Variants in PARD3 observed in about 807,000 individuals in gnomAD.
PARD3 encodes the protein par-3 family cell polarity regulator, also known as partitioning defective 3 homolog.
PARD3 carries 75 observed loss-of-function variants against 155.4 expected under a neutral mutation model. The ratio of observed to expected loss-of-function variants is 0.48; its 90% CI spans 0.40 to 0.58. The LOEUF is 0.58. Among genes scored for constraint, PARD3 ranks in the 20% least tolerant of loss-of-function variants. The pLI is 0.00. For synonymous variants in PARD3, 576 were observed against 610.5 expected (o/e 0.94, Z 0.83); for missense variants, 1,642 against 1,721.7 (o/e 0.95, Z 0.82).
chr10:34,237,768 T>G (rs112134781), intron 22 of PARD3, among the ~76,000 whole-genome samples: 1 of 152,208 alleles, frequency 6.6e-6, no homozygotes, highest in Non-Finnish European at 1.5e-5. Flanking sequence ...TACTTCTCCA[T>G]GTACGTAGGA....
At chr10:34,723,475 G>A (rs1346611125) in intron 1 of PARD3, among the ~76,000 whole-genome samples, 1 of 152,246 alleles carries the variant, frequency 6.6e-6, no homozygotes, top group South Asian at 2.1e-4. Context: ...CCTTAAAGAA[G>A]CATAGTGCCT....
chr10:34,772,076 G>C (rs1335309433), intron 1 of PARD3, among the ~76,000 whole-genome samples: 1 of 152,130 alleles, frequency 6.6e-6, no homozygotes, highest in Non-Finnish European at 1.5e-5. Context: ...ACCCCTCCAG[G>C]GGTTCCTGCT....
chr10:34,794,109 G>A (rs371126269), intron 1 of PARD3, among the ~76,000 whole-genome samples: 3 of 152,058 alleles, frequency 2.0e-5, no homozygotes, highest in South Asian at 2.1e-4. Flanking sequence ...CAGTCAGCGG[G>A]GGGTGGGGGT....
intron 2 of PARD3, among the ~76,000 whole-genome samples, chr10:34,547,919 T>C (rs754500476): frequency 6.6e-6 from 1 of 152,196 alleles, no homozygotes; most frequent in Non-Finnish European, 1.5e-5. Flanking sequence ...ATGTCATAAA[T>C]ATTGTTGCAC....
In PARD3 at chr10:34,291,257, CAT is replaced by C. The variant is rs200629017; in HGVS notation, c.3066-7014_3066-7013del. 8.0e-3 allele frequency among the ~76,000 whole-genome samples: 1,214 copies of C among 152,262 alleles called. 13 individuals carry two copies. The highest frequency in any genetic ancestry group is 0.028 in the African/African-American group (1,144 of 41,542). On this transcript the variant is annotated intron_variant, in intron 20 of 24. Transcript: ENST00000374788. ...CATATGCACTGAAGATGTATGTCCA[CAT>C]GTTTCTGAAAATCAAAGATTAAAAA...
chr10:34,376,935 T>C (rs1037059025), intron 10 of PARD3, among the ~76,000 whole-genome samples: 3 of 152,216 alleles, frequency 2.0e-5, no homozygotes, highest in Admixed American at 6.5e-5. Context: ...TTAAAACATA[T>C]TTTTCAATTT....
chr10:34,761,500 C>T (rs993037150), intron 1 of PARD3, among the ~76,000 whole-genome samples: 7 of 152,092 alleles, frequency 4.6e-5, no homozygotes, highest in East Asian at 1.9e-4. Flanking sequence ...TAAAACAAAA[C>T]AAATCAGATT....
chr10:34,119,469 G>A lies in PARD3; in HGVS notation c.3668+144C>T. On this transcript the variant is annotated intron_variant, in intron 24 of 24. Coordinates refer to ENST00000374788, the MANE Select transcript of PARD3 (RefSeq NM_001184785.2). Reference sequence around the variant, plus strand: ...CAGCCCCCCACGCTAAGGAACAGTAGCCACGGGACATTTATTGGTTCCTCT... The same window carrying A: ...CAGCCCCCCACGCTAAGGAACAGTAACCACGGGACATTTATTGGTTCCTCT... 6.5e-6 allele frequency: 5 copies of A among 773,926 alleles called. No individual in the cohort carries two copies. The South Asian group carries it at 1.2e-4, about 19-fold the overall frequency. The allele number at this position is 773,926 out of a possible 1,614,324, so 47.9% of individuals were successfully genotyped here.
At chr10:34,217,073 G>C (rs17461956) in intron 22 of PARD3, among the ~76,000 whole-genome samples, 4,194 of 152,190 alleles carry the variant, frequency 0.028, 87 homozygotes, top group Non-Finnish European at 0.041. Context: ...TTCTTCCTTG[G>C]AATAGTGTGA....
At chr10:34,399,582 T>C (rs375146167) in intron 6 of PARD3, among the ~76,000 whole-genome samples, 169 bp from the exon 7 acceptor site, 1 of 152,298 alleles carries the variant, frequency 6.6e-6, no homozygotes, top group South Asian at 2.1e-4. Context: ...TATTCTGGAA[T>C]ATAAGCATGG....
At chr10:34,651,164 C>A (rs1413812149) in intron 2 of PARD3, among the ~76,000 whole-genome samples, 13 of 151,834 alleles carry the variant, frequency 8.6e-5, no homozygotes, top group Admixed American at 8.5e-4. Context: ...TTCACTTTCA[C>A]AAAATTACAT....
intron 19 of PARD3, among the ~76,000 whole-genome samples, chr10:34,323,362 T>C (rs1167134385): frequency 1.3e-5 from 2 of 152,078 alleles, no homozygotes; most frequent in East Asian, 3.9e-4. Context: ...CACACAAAGC[T>C]GGCATGAAAC....
intron 5 of PARD3, among the ~76,000 whole-genome samples, chr10:34,445,800 A>G (rs1428852277): frequency 1.3e-5 from 2 of 150,948 alleles, no homozygotes; most frequent in African/African-American, 4.9e-5. Flanking sequence ...AAAAAAAAAA[A>G]GTCCTATTTA....
At chr10:34,717,163 A>G (rs992788052) in intron 1 of PARD3, among the ~76,000 whole-genome samples, 7 of 152,116 alleles carry the variant, frequency 4.6e-5, no homozygotes, top group Non-Finnish European at 8.8e-5. Context: ...ATCTATCAGT[A>G]GCCACAAAAA....
At chr10:34,624,790 C>A (rs1027250262) in intron 2 of PARD3, among the ~76,000 whole-genome samples, 1 of 152,198 alleles carries the variant, frequency 6.6e-6, no homozygotes, top group South Asian at 2.1e-4. Context: ...TGAGGGCTGT[C>A]GGGGCTGCGT....
At chr10:34,653,508 C>T (rs939681245) in intron 2 of PARD3, among the ~76,000 whole-genome samples, 2 of 152,150 alleles carry the variant, frequency 1.3e-5, no homozygotes, top group African/African-American at 4.8e-5. Flanking sequence ...AATGCTCCCA[C>T]AAGGAACACA....
chr10:34,354,094 T>G (rs1838505611), intron 14 of PARD3, among the ~76,000 whole-genome samples: 1 of 151,486 alleles, frequency 6.6e-6, no homozygotes, highest in African/African-American at 2.4e-5. Context: ...GACTCTGGAA[T>G]TTCAGTTTCT....
intron 2 of PARD3, among the ~76,000 whole-genome samples, chr10:34,524,651 A>G (rs553154403): frequency 3.0e-4 from 46 of 152,346 alleles, no homozygotes; most frequent in Admixed American, 2.1e-3. Context: ...TCTACTCTCT[A>G]TCATGAGTGC....
chr10:34,522,912 G>T (rs2133708537), intron 2 of PARD3, among the ~76,000 whole-genome samples: 1 of 152,298 alleles, frequency 6.6e-6, no homozygotes, highest in African/African-American at 2.4e-5. Flanking sequence ...AAATCTTCCT[G>T]CTCTGGAGCA....
Sources: gnomAD v4.1 joint callset for allele counts (sites outside exome capture counted in the v4.1 genomes callset) on GRCh38, gnomAD v4.1.1 for gene constraint, MANE v1.5 for transcripts, NCBI Gene and HGNC (gene_info 2026-07-23, HGNC 2026-07-21) for gene names.